The following ATG3 variants were observed in gnomAD, a reference collection of about 807,000 sequenced individuals.
ATG3 encodes autophagy related 3.
A neutral mutation model predicts 50.7 loss-of-function variants in ATG3; 25 were observed. That is an observed-to-expected ratio of 0.49 (90% CI 0.36 to 0.69). The LOEUF (loss-of-function observed/expected upper bound fraction) is 0.69. Ranked by LOEUF, ATG3 falls within the 30% of genes least tolerant of loss-of-function variation. The pLI, the probability that ATG3 is intolerant of heterozygous loss-of-function variation, is 0.00. For missense variants in ATG3, 281 were observed against 376.0 expected (o/e 0.75, Z 2.09); for synonymous variants, 119 against 125.5 (o/e 0.95, Z 0.34).
intron 2 of ATG3, among the ~76,000 whole-genome samples, chr3:112,554,180 A>T (rs2107387842): frequency 6.6e-6 from 1 of 152,328 alleles, no homozygotes; most frequent in Non-Finnish European, 1.5e-5. Context: ...GCAGTGTCCC[A>T]ACTCAAGCAG....
At chr3:112,545,394 A>G (rs190453499) in intron 5 of ATG3, among the ~76,000 whole-genome samples, 1 of 152,368 alleles carries the variant, frequency 6.6e-6, no homozygotes, top group African/African-American at 2.4e-5. Flanking sequence ...ATAGTAAAAC[A>G]ATAGCATCTA....
At position 112,534,508 on chromosome 3, in the gene ATG3, A is replaced by G. The variant is rs569530084; in HGVS notation, c.795-171T>C. On this transcript the variant is annotated intron_variant, in intron 10 of 11. Transcript: ENST00000283290. Reference sequence around the variant, plus strand: ...ACTCCCCAATAACTATAAAATATTTATTAAAATAGTTAAATTATAAAATAT... The same window carrying G: ...ACTCCCCAATAACTATAAAATATTTGTTAAAATAGTTAAATTATAAAATAT... The G allele has an allele frequency of 1.0e-5, 4 of 383,300 alleles. No homozygotes were observed. The South Asian group carries it at 4.6e-4, about 44-fold the overall frequency. 23.7% of individuals were successfully genotyped at this position (383,300 alleles called of 1,614,324 possible). A position where few individuals can be genotyped will look rare whatever the true frequency, so the allele number is the denominator to read the frequency against.
Position 112,536,552 on chromosome 3 carries a change from A to C in ATG3, c.717T>G (p.Asp239Glu). ...VEHMYEDISQ[D>E]HVKKTVTIEN... is the part of the protein sequence containing the mutation. ...CAATGGTCACTGTTTTCTTCACATG[A>C]TCCTGACTGATGTCTTCATACATGT... Residue 239 changes from aspartate (D) to glutamate (E), a missense_variant, in exon 10 of 12, where the codon GAT becomes GAG. By Grantham distance (45) the Asp-to-Glu change is conservative (BLOSUM62 2). Transcript: ENST00000283290. 6.2e-7 allele frequency: 1 copy of C among 1,614,004 alleles called. No individual in the cohort carries two copies. The highest frequency in any genetic ancestry group is 8.5e-7 in the Non-Finnish European group (1 of 1,179,890).
At chr3:112,542,562 C>A (rs1477678645) in intron 6 of ATG3, among the ~76,000 whole-genome samples, 1 of 151,998 alleles carries the variant, frequency 6.6e-6, no homozygotes, top group Non-Finnish European at 1.5e-5. Flanking sequence ...TAATTTAACA[C>A]TAGAAACTTA....
At chr3:112,536,372 A>C (rs1178078964) in intron 10 of ATG3, 103 bp downstream of exon 10, 9 of 1,412,866 alleles carry the variant, frequency 6.4e-6, no homozygotes, top group Non-Finnish European at 8.7e-6. Context: ...TTTAGTAAGA[A>C]AATTTTTTTC....
At chr3:112,538,110 A>T in intron 8 of ATG3, 36 bp downstream of exon 8, 1 of 1,491,748 alleles carries the variant, frequency 6.7e-7, no homozygotes, top group Non-Finnish European at 9.2e-7. Context: ...AAGTTCATCC[A>T]TTAAAAATTA....
intron 3 of ATG3, 70 bp from the exon 4 acceptor site, chr3:112,550,332 T>C: frequency 8.3e-7 from 1 of 1,209,394 alleles, no homozygotes; most frequent in Non-Finnish European, 1.2e-6. Flanking sequence ...CAGAAAGTAT[T>C]GCATATAAAT....
At chr3:112,552,163 AAGAAAAAAGAT>A (rs1286530455) in intron 3 of ATG3, among the ~76,000 whole-genome samples, 1 of 152,212 alleles carries the variant, frequency 6.6e-6, no homozygotes, top group Non-Finnish European at 1.5e-5. Flanking sequence ...AACAATTTTT[AAGAAAAAAGAT>A]ATATTAAGTT....
At chr3:112,557,478 C>T (rs150338493) in intron 2 of ATG3, among the ~76,000 whole-genome samples, 333 of 152,220 alleles carry the variant, frequency 2.2e-3, no homozygotes, top group Middle Eastern at 3.4e-3. Context: ...CTTAGCTGGG[C>T]GTGGTGGCGC....
In ATG3 at chr3:112,532,687, A is replaced by T; in HGVS notation, c.*12T>A. 6.5e-7 allele frequency: 1 copy of T among 1,544,988 alleles called. No individual in the cohort carries two copies. The highest frequency in any genetic ancestry group is 1.4e-5 in the African/African-American group (1 of 72,194). On this transcript the variant is annotated 3_prime_UTR_variant, in exon 12 of 12. Transcript: ENST00000283290. ...AGAACCAATAATTAGGATAGATTTT[A>T]TGCTCTCTTCATTACATTGTGAAGT...
In ATG3 at chr3:112,555,364, A is replaced by T. The variant is rs547269924; in HGVS notation, c.115-2035T>A. ...TGCTTGCAATAGCTTTCTCTTAGAG[A>T]CTAAAAATGTTCTCTTATTATCTTT... On this transcript the variant is annotated intron_variant, in intron 2 of 11. Coordinates refer to ENST00000283290, the MANE Select transcript of ATG3 (RefSeq NM_022488.5). Among the ~76,000 whole-genome samples the T allele has an allele frequency of 1.5e-3, 232 of 152,300 alleles. 3 individuals carry two copies. Among genetic ancestry groups the T allele is most frequent in the East Asian group, 1.5e-3 (8 of 5,192 alleles).
intron 7 of ATG3, among the ~76,000 whole-genome samples, chr3:112,541,322 G>A (rs1341608348): frequency 2.0e-5 from 3 of 151,908 alleles, no homozygotes; most frequent in Non-Finnish European, 4.4e-5. Context: ...GGGAGACGGC[G>A]GTTGCAGTGA....
chr3:112,536,485 G>T lies in ATG3; in HGVS notation c.784C>A (p.His262Asn). The T allele has an allele frequency of 6.2e-7, 1 of 1,613,556 alleles. No homozygotes were observed. Among genetic ancestry groups the T allele is most frequent in the South Asian group, 1.1e-5 (1 of 91,068 alleles). The change falls in exon 10 of 12, where the codon CAC (histidine) becomes AAC (asparagine). Residue 262 changes from histidine (H) to asparagine (N), a missense_variant. Transcript: ENST00000283290. ...HLPPPPMCSV[H>N]PCRHAEVMKK... ...TCTACATATACAGACCTGCATGGGT[G>T]AACTGAACACATGGGAGGTGGTGGC...
At position 112,558,369 on chromosome 3, in the gene ATG3, C is replaced by G. The variant is rs1232205118; in HGVS notation, c.114+7G>C. ...TAAAAAGACTTCAGTATATCTTCAG[C>G]ACTCACCTCTTCTGGGGTAATTACA... On this transcript the variant is annotated splice_region_variant and intron_variant, in intron 2 of 11. Transcript: ENST00000283290. 6.2e-7 allele frequency: 1 copy of G among 1,600,594 alleles called. No homozygotes were observed. The highest frequency in any genetic ancestry group is 8.5e-7 in the Non-Finnish European group (1 of 1,170,146).
Position 112,538,149 on chromosome 3 carries a change from ATC to A in ATG3, c.505_506del (p.Asp169Ter). The stretch of plus-strand genomic sequence containing the variant: ...AAAGAAAACTCAATTTACAAACCTC[ATC>A]TGTTTCCAACAATCCACTCTCTTCA... ...EYEESGLLET[D>X]EATLDTRKIV... On this transcript the variant is annotated frameshift_variant, in exon 8 of 12. Transcript: ENST00000283290. LOFTEE classifies it high-confidence loss of function. 6.3e-7 allele frequency: 1 copy of A among 1,581,002 alleles called. No individual in the cohort carries two copies. Among genetic ancestry groups the A allele is most frequent in the African/African-American group, 1.4e-5 (1 of 73,706 alleles).
intron 5 of ATG3, among the ~76,000 whole-genome samples, chr3:112,546,622 G>A (rs529124974): frequency 6.6e-6 from 1 of 152,198 alleles, no homozygotes; most frequent in South Asian, 2.1e-4. Context: ...GCTAATAGAA[G>A]AAAACGCCCA....
In ATG3 at chr3:112,557,619, GA is replaced by G. The variant is rs967162063; in HGVS notation, c.114+756del. Among the ~76,000 whole-genome samples, 47 of 150,828 alleles carry G rather than the reference GA, an allele frequency of 3.1e-4. 1 individual carries two copies. In the East Asian group the frequency reaches 8.4e-3, roughly 27 times the overall value. On this transcript the variant is annotated intron_variant, in intron 2 of 11. Transcript: ENST00000283290. ...GTGACAGAGGGAGACTCCGTCTCAAGAAAAAAAAATTAAAAAAACCACAAAG... is the reference window on the plus strand; with the variant it reads ...GTGACAGAGGGAGACTCCGTCTCAAGAAAAAAAATTAAAAAAACCACAAAG...
intron 7 of ATG3, 125 bp from the exon 8 acceptor site, chr3:112,538,305 A>G: frequency 1.4e-6 from 1 of 692,144 alleles, no homozygotes; most frequent in Non-Finnish European, 2.4e-6. Flanking sequence ...TTAAGTGAAG[A>G]TATTGAATAG....
chr3:112,549,824 C>A (rs1020553897), intron 4 of ATG3, among the ~76,000 whole-genome samples: 3 of 146,382 alleles, frequency 2.0e-5, no homozygotes, highest in African/African-American at 4.9e-5. Context: ...AAAACCACTA[C>A]CTGTTTCAAA....
Sources: gnomAD v4.1 joint callset for allele counts (sites outside exome capture counted in the v4.1 genomes callset) on GRCh38, gnomAD v4.1.1 for gene constraint, MANE v1.5 for transcripts, NCBI Gene and HGNC (gene_info 2026-07-23, HGNC 2026-07-21) for gene names.